FMN1: variants seen among roughly 807,000 people sequenced by gnomAD.
FMN1 encodes formin-1.
A neutral mutation model predicts 132.4 loss-of-function variants in FMN1; 110 were observed. That is an observed-to-expected ratio of 0.83 (90% confidence interval 0.71 to 0.97). FMN1 has a LOEUF of 0.97. Among genes scored for constraint, FMN1 ranks in the 50% least tolerant of loss-of-function variants. The probability of loss-of-function intolerance (pLI) is 0.00; values close to 1 mark genes in which losing one functional copy is unlikely to be tolerated. For synonymous variants in FMN1, 722 were observed against 651.7 expected (o/e 1.11, Z -1.64); for missense variants, 1,792 against 1,705.3 (o/e 1.05, Z -0.90).
intron 9 of FMN1, among the ~76,000 whole-genome samples, chr15:32,960,421 T>G (rs1176274472): frequency 1.3e-5 from 2 of 152,178 alleles, no homozygotes; most frequent in Non-Finnish European, 2.9e-5. Flanking sequence ...CAGAGCCAAT[T>G]TATTAGAAAA....
intron 4 of FMN1, among the ~76,000 whole-genome samples, chr15:33,128,055 CAGAA>C (rs1412539520): frequency 2.6e-5 from 4 of 151,782 alleles, no homozygotes; most frequent in South Asian, 2.1e-4. Context: ...GGTCAGGTGA[CAGAA>C]AGGACAAAAA....
chr15:32,817,653 A>G (rs2058094685), intron 17 of FMN1, among the ~76,000 whole-genome samples: 1 of 152,238 alleles, frequency 6.6e-6, no homozygotes, highest in African/African-American at 2.4e-5. Flanking sequence ...CTGTTCCACC[A>G]GTAGATGAAC....
rs901627500 is a variant in FMN1 at position 33,173,977 on chromosome 15, G to A, written c.-132+6221C>T. Among the ~76,000 whole-genome samples, 27 of 152,064 alleles carry A rather than the reference G, an allele frequency of 1.8e-4. 1 individual carries two copies. The highest frequency in any genetic ancestry group is 1.0e-3 in the Admixed American group (16 of 15,260). On this transcript the variant is annotated intron_variant, in intron 3 of 20. Coordinates refer to ENST00000616417, the MANE Select transcript of FMN1 (RefSeq NM_001277313.2). ...AAGAAAGAAACTTCAGGAAATAACC[G>A]AAGGAGCTTTTAAGAGGTCAATTAA...
intron 17 of FMN1, among the ~76,000 whole-genome samples, chr15:32,808,058 C>T (rs1235795887): frequency 6.6e-6 from 1 of 152,156 alleles, no homozygotes; most frequent in Non-Finnish European, 1.5e-5. Context: ...ATTCTAATAC[C>T]ATCAACAAAT....
chr15:33,023,566 G>A (rs1360458537), intron 6 of FMN1, among the ~76,000 whole-genome samples: 1 of 152,138 alleles, frequency 6.6e-6, no homozygotes, highest in Non-Finnish European at 1.5e-5. Flanking sequence ...AACAGACATT[G>A]AAATAAAAGG....
intron 10 of FMN1, among the ~76,000 whole-genome samples, chr15:32,923,376 C>T (rs2060880849): frequency 6.6e-6 from 1 of 152,208 alleles, no homozygotes; most frequent in African/African-American, 2.4e-5. Context: ...TCCTAATGAC[C>T]TTCAGATGCC....
At position 32,804,322 on chromosome 15, in the gene FMN1, C is replaced by G; in HGVS notation, c.3939G>C (p.Glu1313Asp). ...LEEFFQKAKK[E>D]HKMEESHLEN... ...CCAAGTGACTTTCTTCCATCTTATG[C>G]TCTTTTTTGGCTGTAAAAGATAAAT... Residue 1313 changes from glutamate to aspartate, a missense_variant, in exon 18 of 21, where the codon GAG becomes GAC. Glu to Asp is a conservative substitution (Grantham distance 45). Transcript: ENST00000616417. 1.3e-6 allele frequency: 2 copies of G among 1,562,664 alleles called. No individual in the cohort carries two copies. Among genetic ancestry groups the G allele is most frequent in the Non-Finnish European group, 1.7e-6 (2 of 1,152,348 alleles).
chr15:32,785,157 CGTACGTGTGTGTGT>C (rs2056814138), intron 19 of FMN1, among the ~76,000 whole-genome samples: 1 of 72,762 alleles, frequency 1.4e-5, no homozygotes, highest in African/African-American at 5.7e-5. Context: ...TGTGTGTATA[CGTACGTGTGTGTGT>C]GTGTGTGTGT....
intron 5 of FMN1, among the ~76,000 whole-genome samples, chr15:33,088,543 T>C (rs1439241142): frequency 6.6e-6 from 1 of 152,216 alleles, no homozygotes; most frequent in Non-Finnish European, 1.5e-5. Context: ...GCAAAGCTAA[T>C]GAACAGAGCG....
At chr15:32,925,936 T>G (rs889717620) in intron 10 of FMN1, among the ~76,000 whole-genome samples, 1 of 152,080 alleles carries the variant, frequency 6.6e-6, no homozygotes, top group Admixed American at 6.5e-5. Flanking sequence ...TTTTTAGCAA[T>G]AGTACTAACA....
chr15:33,062,393 G>A (rs892488991), intron 6 of FMN1, among the ~76,000 whole-genome samples: 15 of 152,056 alleles, frequency 9.9e-5, no homozygotes, highest in South Asian at 2.1e-4. Context: ...AGGTCGAGGC[G>A]GGGGGATCAC....
intron 9 of FMN1, among the ~76,000 whole-genome samples, chr15:32,930,376 T>C (rs1000150857): frequency 3.3e-5 from 5 of 152,128 alleles, no homozygotes; most frequent in Admixed American, 2.6e-4. Flanking sequence ...AGGTCCCACT[T>C]TGTCTACATC....
chr15:32,766,452 T>C lies in FMN1; in HGVS notation c.*7858A>G, dbSNP rs557462742. ...CATCATAGCTGGTGACCCGGTCTGATGTACAAATTTATCAAGAGAATGGCC... is the reference window on the plus strand; with the variant it reads ...CATCATAGCTGGTGACCCGGTCTGACGTACAAATTTATCAAGAGAATGGCC... On this transcript the variant is annotated 3_prime_UTR_variant, in exon 21 of 21. Coordinates refer to ENST00000616417, the MANE Select transcript of FMN1 (RefSeq NM_001277313.2). 46 of 152,198 alleles carry C rather than the reference T, an allele frequency of 3.0e-4. No homozygotes were observed. The highest frequency in any genetic ancestry group is 1.1e-3 in the African/African-American group (45 of 41,526). The allele number at this position is 152,198 out of a possible 1,614,324, so 9.4% of individuals were successfully genotyped here. A position where few individuals can be genotyped will look rare whatever the true frequency, so the allele number is the denominator to read the frequency against.
At chr15:33,066,931 TAAGGACTTCTG>T (rs757668602) in intron 5 of FMN1, 8 of 1,613,872 alleles carry the variant, frequency 5.0e-6, no homozygotes, top group Non-Finnish European at 6.8e-6. Context: ...CTGCCTGCAC[TAAGGACTTCTG>T]CACAGGCTGC....
chr15:33,174,751 C>T (rs1965454954), intron 3 of FMN1, among the ~76,000 whole-genome samples: 1 of 92,516 alleles, frequency 1.1e-5, no homozygotes, highest in Non-Finnish European at 3.1e-5. Context: ...ATGTTGCCAG[C>T]TCCCATACTG....
At chr15:32,793,702 TA>T (rs566201125) in intron 19 of FMN1, among the ~76,000 whole-genome samples, 4 of 152,274 alleles carry the variant, frequency 2.6e-5, no homozygotes, top group South Asian at 2.1e-4. Flanking sequence ...GACAATTAAT[TA>T]GGGGGTGATT....
At chr15:33,023,201 G>T (rs928234108) in intron 6 of FMN1, among the ~76,000 whole-genome samples, 1 of 151,550 alleles carries the variant, frequency 6.6e-6, no homozygotes, top group African/African-American at 2.4e-5. Flanking sequence ...TTAGTCTGGG[G>T]GTCTTACCTG....
At position 32,767,951 on chromosome 15, in the gene FMN1, G is replaced by A. The variant is rs1173814683; in HGVS notation, c.*6359C>T. 1 of 152,176 alleles carries A rather than the reference G, an allele frequency of 6.6e-6. No individual in the cohort carries two copies. Among genetic ancestry groups the A allele is most frequent in the African/African-American group, 2.4e-5 (1 of 41,436 alleles). 9.4% of individuals were successfully genotyped at this position (152,176 alleles called of 1,614,324 possible). On this transcript the variant is annotated 3_prime_UTR_variant, in exon 21 of 21. Transcript: ENST00000616417. ...CCTTCTTTATGCCTTGTGGTCCAAT[G>A]TATGAAGAAATAAGATTTTATCTAG...
chr15:33,116,050 T>C (rs527939751), intron 4 of FMN1, among the ~76,000 whole-genome samples: 1 of 152,200 alleles, frequency 6.6e-6, no homozygotes, highest in African/African-American at 2.4e-5. Flanking sequence ...CTTAAAGGTA[T>C]ATCCAGAAAG....
Sources: gnomAD v4.1 joint callset for allele counts (sites outside exome capture counted in the v4.1 genomes callset) on GRCh38, gnomAD v4.1.1 for gene constraint, MANE v1.5 for transcripts, NCBI Gene and HGNC (gene_info 2026-07-23, HGNC 2026-07-21) for gene names.